The following PLGRKT variants were observed in gnomAD, a reference collection of about 807,000 sequenced individuals.
PLGRKT encodes plasminogen receptor (KT).
PLGRKT carries 22 observed loss-of-function variants against 18.5 expected under a neutral mutation model. That is an observed-to-expected ratio of 1.19 (90% confidence interval 0.85 to 1.70). PLGRKT has a LOEUF of 1.70. Ranked by LOEUF, PLGRKT falls within the 40% of genes most tolerant of loss-of-function variation. The pLI is 0.00. For synonymous variants in PLGRKT, 72 were observed against 52.8 expected (o/e 1.36, Z -1.58); for missense variants, 235 against 174.4 (o/e 1.35, Z -1.96).
intron 3 of PLGRKT, among the ~76,000 whole-genome samples, chr9:5,385,865 TG>T (rs1454827081): frequency 6.6e-6 from 1 of 151,906 alleles, no homozygotes; most frequent in Non-Finnish European, 1.5e-5. Flanking sequence ...AAGACAGAGA[TG>T]GTGTCTCTCT....
At chr9:5,360,974 G>A in intron 5 of PLGRKT, 104 bp downstream of exon 5, 3 of 672,246 alleles carry the variant, frequency 4.5e-6, no homozygotes, top group Non-Finnish European at 7.9e-6. Context: ...GGTTCAAAGA[G>A]AGAGTCTTGT....
At chr9:5,431,816 A>G in intron 3 of PLGRKT, 81 bp downstream of exon 3, 6 of 699,358 alleles carry the variant, frequency 8.6e-6, no homozygotes, top group Non-Finnish European at 1.5e-5. Flanking sequence ...TGGGAGTCAA[A>G]GAGAATGTAC....
intron 3 of PLGRKT, among the ~76,000 whole-genome samples, chr9:5,403,465 T>C (rs547228261): frequency 6.6e-6 from 1 of 152,314 alleles, no homozygotes; most frequent in East Asian, 1.9e-4. Flanking sequence ...CCTCAGGTGA[T>C]CCGCCTGCCT....
chr9:5,395,786 C>G (rs1377280441), intron 3 of PLGRKT, among the ~76,000 whole-genome samples: 1 of 148,848 alleles, frequency 6.7e-6, no homozygotes, highest in African/African-American at 2.5e-5. Context: ...TTCATTTTTC[C>G]AAGGCATTTT....
chr9:5,380,445 C>G (rs1249622634), intron 3 of PLGRKT, among the ~76,000 whole-genome samples: 1 of 151,006 alleles, frequency 6.6e-6, no homozygotes, highest in East Asian at 1.9e-4. Flanking sequence ...GTGCCAGATA[C>G]TATTCTATTA....
At chr9:5,375,813 T>C (rs530416738) in intron 3 of PLGRKT, among the ~76,000 whole-genome samples, 1 of 152,284 alleles carries the variant, frequency 6.6e-6, no homozygotes, top group South Asian at 2.1e-4. Context: ...CAATTAAACA[T>C]AGAACTAACA....
At chr9:5,372,027 G>T (rs1219378821) in intron 3 of PLGRKT, among the ~76,000 whole-genome samples, 2 of 115,606 alleles carry the variant, frequency 1.7e-5, no homozygotes, top group Non-Finnish European at 3.4e-5. Context: ...TGTCTCCCAG[G>T]CTGGAGTGCA....
chr9:5,386,124 C>T (rs1817838221), intron 3 of PLGRKT, among the ~76,000 whole-genome samples: 1 of 151,800 alleles, frequency 6.6e-6, no homozygotes, highest in East Asian at 1.9e-4. Flanking sequence ...CCATTGATGT[C>T]AGTAAGAAGT....
At chr9:5,424,698 AG>A (rs1554634200) in intron 3 of PLGRKT, among the ~76,000 whole-genome samples, 47 of 75,390 alleles carry the variant, frequency 6.2e-4, no homozygotes, top group African/African-American at 1.7e-3. Context: ...ATATACACAC[AG>A]GGGGGGGAGA....
At chr9:5,362,007 A>C (rs1817278445) in intron 3 of PLGRKT, 119 bp from the exon 4 acceptor site, 1 of 986,708 alleles carries the variant, frequency 1.0e-6, no homozygotes, top group African/African-American at 1.6e-5. Flanking sequence ...GTTTTTTCAA[A>C]AAAATCTCAA....
At chr9:5,379,614 G>A (rs879695423) in intron 3 of PLGRKT, among the ~76,000 whole-genome samples, 1 of 151,938 alleles carries the variant, frequency 6.6e-6, no homozygotes, top group African/African-American at 2.4e-5. Context: ...AGCCAATAAA[G>A]TTAACCCAAT....
At chr9:5,417,396 C>T (rs767581298) in intron 3 of PLGRKT, among the ~76,000 whole-genome samples, 1 of 151,998 alleles carries the variant, frequency 6.6e-6, no homozygotes, top group Non-Finnish European at 1.5e-5. Flanking sequence ...GGACCCAAGA[C>T]CTAAATTTAA....
intron 3 of PLGRKT, among the ~76,000 whole-genome samples, chr9:5,408,807 C>G (rs899458102): frequency 4.6e-5 from 7 of 152,254 alleles, no homozygotes; most frequent in African/African-American, 1.7e-4. Flanking sequence ...GCCCAGAGCC[C>G]CACTTCCCTG....
chr9:5,361,616 C>G (rs1294555966), intron 4 of PLGRKT, 142 bp downstream of exon 4: 1 of 712,504 alleles, frequency 1.4e-6, no homozygotes, highest in Non-Finnish European at 2.2e-6. Context: ...GAGTTACCCC[C>G]AAGGACTAAG....
At chr9:5,424,485 A>C (rs1818645399) in intron 3 of PLGRKT, among the ~76,000 whole-genome samples, 1 of 127,002 alleles carries the variant, frequency 7.9e-6, no homozygotes, top group East Asian at 2.0e-4. Context: ...TATAAAATAT[A>C]ATATATATTA....
rs577985484 is a variant in PLGRKT at position 5,407,993 on chromosome 9, T to C, written c.81+23904A>G. 5.3e-5 allele frequency among the ~76,000 whole-genome samples: 8 copies of C among 152,330 alleles called. 1 individual carries two copies. In the South Asian group the frequency reaches 1.2e-3, roughly 24 times the overall value. On this transcript the variant is annotated intron_variant, in intron 3 of 5. Transcript: ENST00000223864. ...CCTAATCTGTATATAGACAACTCTA[T>C]TGTAAGTCCAGGACATGGAATTTAA...
At chr9:5,374,374 T>G (rs1381783458) in intron 3 of PLGRKT, among the ~76,000 whole-genome samples, 1 of 152,228 alleles carries the variant, frequency 6.6e-6, no homozygotes, top group Non-Finnish European at 1.5e-5. Context: ...GATCTGGTGT[T>G]GCTTTCCTGC....
At position 5,361,846 on chromosome 9, in the gene PLGRKT, G is replaced by A; in HGVS notation, c.124C>T (p.Gln42Ter). 6.2e-7 allele frequency: 1 copy of A among 1,613,008 alleles called. No individual in the cohort carries two copies. The highest frequency in any genetic ancestry group is 8.5e-7 in the Non-Finnish European group (1 of 1,179,380). The change falls in exon 4 of 6, where the codon CAA (glutamine) becomes TAA (stop). Residue 42 changes from glutamine (Q) to a stop codon, truncating the protein, a stop_gained. Coordinates refer to ENST00000223864, the MANE Select transcript of PLGRKT (RefSeq NM_018465.4). LOFTEE classifies it high-confidence loss of function. ...LIMQSEMRER[Q>*]MAMQIAWSRE... is the part of the protein sequence containing the mutation. ...GACCACGCAATCTGCATGGCCATTTGTCTTTCCCTCATTTCACTCTGCATG... is the reference window on the plus strand; with the variant it reads ...GACCACGCAATCTGCATGGCCATTTATCTTTCCCTCATTTCACTCTGCATG...
chr9:5,426,982 A>C (rs1401149357), intron 3 of PLGRKT, among the ~76,000 whole-genome samples: 1 of 152,196 alleles, frequency 6.6e-6, no homozygotes, highest in African/African-American at 2.4e-5. Context: ...AGCATCCATG[A>C]AATAATAACA....
Sources: allele counts gnomAD v4.1 joint callset (sites outside exome capture counted in the v4.1 genomes callset), GRCh38; gene constraint gnomAD v4.1.1; transcripts MANE v1.5; gene names NCBI Gene and HGNC (gene_info 2026-07-23, HGNC 2026-07-21).